EYS: variants seen among roughly 807,000 people sequenced by gnomAD.
The protein encoded by EYS is EGF-like photoreceptor maintenance factor, also known as protein eyes shut homolog.
Under a neutral mutation model 282.1 loss-of-function variants are expected in EYS, and 250 were observed. That is an observed-to-expected ratio of 0.89 (90% CI 0.80 to 0.98). EYS has a LOEUF of 0.98. Ranked by LOEUF, EYS falls within the 50% of genes least tolerant of loss-of-function variation. EYS has a pLI of 0.00. For synonymous variants in EYS, 1,355 were observed against 1,282.9 expected (o/e 1.06, Z -1.20); for missense variants, 4,016 against 3,709.0 (o/e 1.08, Z -2.15).
At chr6:64,259,798 C>T (rs991719817) in intron 30 of EYS, among the ~76,000 whole-genome samples, 29 of 77,514 alleles carry the variant, frequency 3.7e-4, no homozygotes, top group Non-Finnish European at 7.2e-4. Context: ...TTTGACAGTC[C>T]CCTCTTTTGC....
At chr6:65,704,025 A>T (rs183464082) in intron 1 of EYS, among the ~76,000 whole-genome samples, 5 of 152,112 alleles carry the variant, frequency 3.3e-5, no homozygotes, top group African/African-American at 1.2e-4. Context: ...GAGCCATGGA[A>T]GCAATATTAG....
At chr6:65,673,529 G>C (rs62407742) in intron 1 of EYS, among the ~76,000 whole-genome samples, 88 of 152,152 alleles carry the variant, frequency 5.8e-4, no homozygotes, top group South Asian at 2.5e-3. Flanking sequence ...GTGGCCAAGG[G>C]GGTTCAGCGT....
At chr6:65,149,252 A>C (rs1238006000) in intron 12 of EYS, among the ~76,000 whole-genome samples, 1 of 151,982 alleles carries the variant, frequency 6.6e-6, no homozygotes, top group African/African-American at 2.4e-5. Context: ...GCACTTTGCC[A>C]CTTAGAAATT....
At chr6:64,431,532 G>A (rs1368171887) in intron 28 of EYS, among the ~76,000 whole-genome samples, 2 of 152,104 alleles carry the variant, frequency 1.3e-5, no homozygotes, top group Non-Finnish European at 2.9e-5. Flanking sequence ...GCTGTAGAGC[G>A]GATCTGGAGA....
rs762919117 is a variant in EYS, at chr6:65,497,830, G to A, written c.-332-1837C>T. Among the ~76,000 whole-genome samples the A allele has an allele frequency of 1.1e-4, 16 of 151,918 alleles. No homozygotes were observed. The South Asian group carries it at 1.2e-3, about 12-fold the overall frequency. On this transcript the variant is annotated intron_variant, in intron 2 of 42. Transcript: ENST00000503581. ...ATGTTGAGGACCAACATGTTGTGTC[G>A]TTTTGCTTAAAGTCACAATTTTGAA...
intron 26 of EYS, among the ~76,000 whole-genome samples, chr6:64,498,555 A>C (rs1776953392): frequency 6.6e-6 from 1 of 152,016 alleles, no homozygotes; most frequent in East Asian, 1.9e-4. Context: ...TGCTGCACCC[A>C]TCAACCCATC....
intron 14 of EYS, among the ~76,000 whole-genome samples, chr6:64,954,936 A>G (rs902430649): frequency 3.3e-5 from 5 of 152,226 alleles, no homozygotes. Flanking sequence ...TGGAAGGCTG[A>G]GGCAGGTAGA....
At chr6:64,522,411 G>C (rs1258695026) in intron 26 of EYS, among the ~76,000 whole-genome samples, 1 of 151,688 alleles carries the variant, frequency 6.6e-6, no homozygotes, top group Non-Finnish European at 1.5e-5. Context: ...GAGACTTAAA[G>C]GGGCAGTGGA....
chr6:64,405,361 C>T (rs1773671737), intron 28 of EYS, among the ~76,000 whole-genome samples: 1 of 152,246 alleles, frequency 6.6e-6, no homozygotes, highest in East Asian at 1.9e-4. Context: ...GACAAACCCA[C>T]AGCCAATATC....
intron 2 of EYS, among the ~76,000 whole-genome samples, chr6:65,515,169 A>T (rs1767074298): frequency 6.6e-6 from 1 of 152,172 alleles, no homozygotes; most frequent in South Asian, 2.1e-4. Flanking sequence ...ACATTTATCC[A>T]GCCAAAAAAC....
intron 31 of EYS, among the ~76,000 whole-genome samples, chr6:64,141,209 T>C (rs1246742862): frequency 6.6e-6 from 1 of 152,214 alleles, no homozygotes; most frequent in Non-Finnish European, 1.5e-5. Context: ...CCTAGAGATT[T>C]CTAGAGAAAT....
At chr6:64,542,058 C>A (rs1167128565) in intron 26 of EYS, among the ~76,000 whole-genome samples, 1 of 152,010 alleles carries the variant, frequency 6.6e-6, no homozygotes, top group Non-Finnish European at 1.5e-5. Context: ...GACCTGAACT[C>A]ACAGTTTGTT....
intron 5 of EYS, among the ~76,000 whole-genome samples, chr6:65,443,877 T>C (rs1242997123): frequency 3.9e-5 from 6 of 151,924 alleles, no homozygotes; most frequent in African/African-American, 1.4e-4. Context: ...GAAAAAAATC[T>C]AAGTTAATCC....
chr6:63,912,225 G>GT (rs1227580266), intron 35 of EYS, among the ~76,000 whole-genome samples: 2 of 151,866 alleles, frequency 1.3e-5, no homozygotes, highest in African/African-American at 2.4e-5. Context: ...CCTTTTTGTC[G>GT]TAAGTCTCTC....
At chr6:64,945,732 T>A in intron 15 of EYS, 61 bp downstream of exon 15, 1 of 1,455,106 alleles carries the variant, frequency 6.9e-7, no homozygotes, top group South Asian at 1.3e-5. Context: ...TCTGGATGTA[T>A]CCCAAGGACA....
intron 15 of EYS, among the ~76,000 whole-genome samples, chr6:64,928,214 T>C (rs963463396): frequency 3.3e-5 from 5 of 152,102 alleles, no homozygotes; most frequent in African/African-American, 1.2e-4. Context: ...AGGGAAAAAG[T>C]CTACTTCAAA....
chr6:64,678,451 T>C (rs954676314), intron 22 of EYS, among the ~76,000 whole-genome samples: 1 of 151,796 alleles, frequency 6.6e-6, no homozygotes, highest in Admixed American at 6.6e-5. Context: ...GGTGGCACGT[T>C]CCTGTATTCC....
chr6:65,207,368 A>G (rs530754332), intron 12 of EYS, among the ~76,000 whole-genome samples: 27 of 151,740 alleles, frequency 1.8e-4, no homozygotes, highest in South Asian at 2.1e-4. Flanking sequence ...GATGAAAAAA[A>G]AAAATTGTAG....
chr6:64,670,177 G>A (rs1294142773), intron 22 of EYS, among the ~76,000 whole-genome samples: 1 of 152,016 alleles, frequency 6.6e-6, no homozygotes, highest in African/African-American at 2.4e-5. Context: ...CTCCTGTCAT[G>A]AAGAAAGTCT....
Sources: gnomAD v4.1 joint callset for allele counts (sites outside exome capture counted in the v4.1 genomes callset) on GRCh38, gnomAD v4.1.1 for gene constraint, MANE v1.5 for transcripts, NCBI Gene and HGNC (gene_info 2026-07-23, HGNC 2026-07-21) for gene names.